The following FOXN3 variants were observed in gnomAD, a reference collection of about 807,000 sequenced individuals.
FOXN3 encodes the protein forkhead box protein N3.
In FOXN3, 7 loss-of-function variants were observed where a neutral mutation model predicts 38.4. The observed-to-expected ratio is 0.18, with a 90% CI of 0.10 to 0.34. The LOEUF is 0.34. FOXN3 is among the 10% of genes least tolerant of loss of function. FOXN3 has a pLI of 1.00. For synonymous variants in FOXN3, 230 were observed against 242.2 expected (o/e 0.95, Z 0.47); for missense variants, 456 against 613.4 (o/e 0.74, Z 2.71).
At chr14:89,168,751 A>G (rs1029743663) in intron 5 of FOXN3, among the ~76,000 whole-genome samples, 1 of 152,252 alleles carries the variant, frequency 6.6e-6, no homozygotes, top group Non-Finnish European at 1.5e-5. Context: ...CAATCTTCAG[A>G]TTCAGAAAGC....
At chr14:89,373,076 T>C (rs751974483) in intron 2 of FOXN3, among the ~76,000 whole-genome samples, 18 of 152,074 alleles carry the variant, frequency 1.2e-4, no homozygotes, top group Non-Finnish European at 2.1e-4. Context: ...TGAAGTGGGA[T>C]GATCACTCAA....
At chr14:89,551,568 A>G (rs763912239) in intron 1 of FOXN3, among the ~76,000 whole-genome samples, 2 of 152,088 alleles carry the variant, frequency 1.3e-5, no homozygotes, top group Non-Finnish European at 2.9e-5. Context: ...ATGAGAAGCC[A>G]GGAAAGGAGA....
At chr14:89,556,573 G>C (rs1895130331) in intron 1 of FOXN3, among the ~76,000 whole-genome samples, 2 of 152,140 alleles carry the variant, frequency 1.3e-5, no homozygotes, top group South Asian at 4.1e-4. Context: ...AATACTGAAT[G>C]ATGTGGGAGA....
At chr14:89,185,750 C>T (rs1159766440) in intron 4 of FOXN3, 1 of 152,278 alleles carries the variant, frequency 6.6e-6, no homozygotes, top group African/African-American at 2.4e-5. Flanking sequence ...TGGCGCCACA[C>T]TTCCCCACAC....
rs1020103148 is a variant in FOXN3, at chr14:89,209,329, C to A, written c.746-28523G>T. On this transcript the variant is annotated intron_variant, in intron 4 of 5. Coordinates refer to ENST00000557258, the MANE Select transcript of FOXN3 (RefSeq NM_005197.4). ...CCTTTCCCCAATAGGTATTCAATAA[C>A]CCTGACGAATGGCCAATATTTTTCC... Among the ~76,000 whole-genome samples the A allele has an allele frequency of 2.6e-5, 4 of 152,244 alleles. No homozygotes were observed. The South Asian group carries it at 6.2e-4, about 24-fold the overall frequency.
chr14:89,220,267 A>T (rs1884423256), intron 4 of FOXN3, among the ~76,000 whole-genome samples: 1 of 152,192 alleles, frequency 6.6e-6, no homozygotes, highest in South Asian at 2.1e-4. Flanking sequence ...CATGGGTTCA[A>T]ATCCCGGCTC....
chr14:89,342,746 T>C (rs944810995), intron 3 of FOXN3, among the ~76,000 whole-genome samples: 3 of 152,218 alleles, frequency 2.0e-5, no homozygotes, highest in Non-Finnish European at 2.9e-5. Context: ...AGCTTCATAT[T>C]GATTTTTTTA....
At chr14:89,219,788 A>C (rs527706624) in intron 4 of FOXN3, among the ~76,000 whole-genome samples, 2 of 152,334 alleles carry the variant, frequency 1.3e-5, no homozygotes, top group Admixed American at 1.3e-4. Flanking sequence ...AGCTACTATT[A>C]CAGTTGTCAT....
chr14:89,329,053 G>T (rs1888161360), intron 3 of FOXN3, among the ~76,000 whole-genome samples: 1 of 152,124 alleles, frequency 6.6e-6, no homozygotes, highest in Non-Finnish European at 1.5e-5. Context: ...CCTGCCATCT[G>T]GGAAATACAG....
At chr14:89,490,285 T>C (rs1449802221) in intron 1 of FOXN3, among the ~76,000 whole-genome samples, 2 of 152,236 alleles carry the variant, frequency 1.3e-5, no homozygotes, top group East Asian at 3.8e-4. Context: ...ACTTTTGTTT[T>C]TAATTCTATC....
At chr14:89,339,590 G>A (rs34430036) in intron 3 of FOXN3, among the ~76,000 whole-genome samples, 32,640 of 152,184 alleles carry the variant, frequency 0.21, 3,552 homozygotes, top group African/African-American at 0.23. Flanking sequence ...ATGGGAGACA[G>A]GCCCAGGACA....
Position 89,162,543 on chromosome 14 carries a change from G to A in FOXN3, c.1278C>T (p.Ser426=), listed in dbSNP as rs772390513. 8 of 1,613,554 alleles carry A rather than the reference G, an allele frequency of 5.0e-6. No individual in the cohort carries two copies. In the East Asian group the frequency reaches 6.7e-5, roughly 13 times the overall value. Residue 426 remains serine, a synonymous_variant, in exon 6 of 6, where the codon AGC becomes AGT. Transcript: ENST00000557258. This position sits in a 1 kb window ranked among gnomAD's most constrained non-coding sequence, Gnocchi z 7.2. ...CCGCTTCTTTCATCTCCTCATCATC[G>A]CTCTCGGGGGGCTTTTCGGTGCGTC... ...KKRRTEKPPE[S]DDEEMKEAAG... is the part of the protein sequence containing the mutation.
intron 4 of FOXN3, among the ~76,000 whole-genome samples, chr14:89,271,984 G>A (rs564599848): frequency 6.6e-6 from 1 of 152,326 alleles, no homozygotes; most frequent in Admixed American, 6.5e-5. Context: ...CAAAATGGTA[G>A]TAACCATATC....
chr14:89,172,887 A>G (rs1296672356), intron 5 of FOXN3, among the ~76,000 whole-genome samples: 1 of 152,246 alleles, frequency 6.6e-6, no homozygotes, highest in Non-Finnish European at 1.5e-5. Flanking sequence ...TGTGAAAGCA[A>G]AAAACTTTCA....
At chr14:89,268,566 G>C (rs1288178505) in intron 4 of FOXN3, among the ~76,000 whole-genome samples, 2 of 152,234 alleles carry the variant, frequency 1.3e-5, no homozygotes, top group Admixed American at 6.5e-5. Context: ...GCCACAGGTA[G>C]GGCAAGGAGA....
intron 3 of FOXN3, among the ~76,000 whole-genome samples, chr14:89,333,853 T>C (rs2139989753): frequency 6.7e-6 from 1 of 149,104 alleles, no homozygotes; most frequent in East Asian, 2.0e-4. Context: ...TTCAAAGAGA[T>C]ACTATATCTG....
chr14:89,233,698 T>C (rs1884889925), intron 4 of FOXN3, among the ~76,000 whole-genome samples: 1 of 152,232 alleles, frequency 6.6e-6, no homozygotes, highest in Non-Finnish European at 1.5e-5. Flanking sequence ...CTGGAGTCTC[T>C]AGAAATCTCA....
intron 4 of FOXN3, among the ~76,000 whole-genome samples, chr14:89,199,862 C>T (rs1196344794): frequency 6.6e-6 from 1 of 152,108 alleles, no homozygotes; most frequent in Non-Finnish European, 1.5e-5. Context: ...CAAGATTGTG[C>T]CACTGCGCTC....
intron 5 of FOXN3, 22 bp downstream of exon 5, chr14:89,180,679 G>A: frequency 6.4e-7 from 1 of 1,566,516 alleles, no homozygotes; most frequent in Non-Finnish European, 8.7e-7. Flanking sequence ...GGCTGGCTCT[G>A]CCCAGCGCAC....
Sources: allele counts gnomAD v4.1 joint callset (sites outside exome capture counted in the v4.1 genomes callset), GRCh38; gene constraint gnomAD v4.1.1; non-coding constraint Gnocchi (gnomAD v3.1); transcripts MANE v1.5; gene names NCBI Gene and HGNC (gene_info 2026-07-23, HGNC 2026-07-21).